NEDD4L: variants seen among roughly 807,000 people sequenced by gnomAD.
NEDD4L encodes E3 ubiquitin-protein ligase NEDD4-like.
In NEDD4L, 54 loss-of-function variants were observed where a neutral mutation model predicts 148.9. The observed-to-expected ratio is 0.36, with a 90% CI of 0.29 to 0.45. The LOEUF (loss-of-function observed/expected upper bound fraction) is 0.45. Among genes scored for constraint, NEDD4L ranks in the 20% least tolerant of loss-of-function variants. The pLI, the probability that NEDD4L is intolerant of heterozygous loss-of-function variation, is 1.00. For synonymous variants in NEDD4L, 433 were observed against 440.7 expected (o/e 0.98, Z 0.22); for missense variants, 856 against 1,233.8 (o/e 0.69, Z 4.59).
intron 2 of NEDD4L, among the ~76,000 whole-genome samples, chr18:58,190,883 T>G (rs946328296): frequency 6.6e-6 from 1 of 152,184 alleles, no homozygotes; most frequent in African/African-American, 2.4e-5. Context: ...CCCAGCACTT[T>G]AGGAGGCCAG....
chr18:58,237,523 TA>T (rs762236996), intron 2 of NEDD4L, among the ~76,000 whole-genome samples: 1 of 152,242 alleles, frequency 6.6e-6, no homozygotes, highest in Non-Finnish European at 1.5e-5. Flanking sequence ...GATATTTCAG[TA>T]ATTTATAGGT....
chr18:58,379,181 A>C (rs569550679), intron 24 of NEDD4L, among the ~76,000 whole-genome samples: 3 of 152,194 alleles, frequency 2.0e-5, no homozygotes, highest in Non-Finnish European at 4.4e-5. Flanking sequence ...ACTGCTCACC[A>C]GGGAGCAGGG....
rs116856442 is a variant in NEDD4L at position 58,232,016 on chromosome 18, G to T, written c.123-13411G>T. Among the ~76,000 whole-genome samples, 503 of 152,312 alleles carry T rather than the reference G, an allele frequency of 3.3e-3. 1 individual carries two copies. Among genetic ancestry groups the T allele is most frequent in the Non-Finnish European group, 3.8e-3 (260 of 68,016 alleles). ...ATAGGAGAGGTGCATTTTGTTCTATGTAAATTATCTTGATGTGTCCCCTGT... is the reference window on the plus strand; with the variant it reads ...ATAGGAGAGGTGCATTTTGTTCTATTTAAATTATCTTGATGTGTCCCCTGT... On this transcript the variant is annotated intron_variant, in intron 2 of 30. Coordinates refer to ENST00000400345, the MANE Select transcript of NEDD4L (RefSeq NM_001144967.3).
At chr18:58,195,485 A>AG in intron 2 of NEDD4L, 1 of 1,343,934 alleles carries the variant, frequency 7.4e-7, no homozygotes, top group African/African-American at 1.5e-5. Flanking sequence ...AAGCCGCGCG[A>AG]GGGTGCCCGG....
intron 5 of NEDD4L, among the ~76,000 whole-genome samples, chr18:58,302,015 TGA>T (rs769649502): frequency 5.3e-5 from 8 of 152,160 alleles, no homozygotes; most frequent in Non-Finnish European, 1.2e-4. Flanking sequence ...TTCAGCATAG[TGA>T]GAGAATGTAA....
intron 5 of NEDD4L, among the ~76,000 whole-genome samples, chr18:58,283,262 G>A (rs2053436814): frequency 6.6e-6 from 1 of 152,102 alleles, no homozygotes; most frequent in South Asian, 2.1e-4. Flanking sequence ...TTTTAGTAGA[G>A]ACGGGGTTTC....
At chr18:58,364,103 CTT>C (rs2045836878) in intron 19 of NEDD4L, among the ~76,000 whole-genome samples, 163 bp from the exon 20 acceptor site, 2 of 152,312 alleles carry the variant, frequency 1.3e-5, no homozygotes, top group African/African-American at 4.8e-5. Flanking sequence ...AGTTCTAGGA[CTT>C]TCCCCTGTGC....
intron 1 of NEDD4L, among the ~76,000 whole-genome samples, chr18:58,089,171 T>C (rs889037372): frequency 2.7e-5 from 4 of 145,812 alleles, no homozygotes; most frequent in Admixed American, 7.1e-5. Flanking sequence ...TCTTGCTCTG[T>C]CACCCAGGCT....
intron 1 of NEDD4L, among the ~76,000 whole-genome samples, chr18:58,121,498 A>G (rs950443326): frequency 1.3e-5 from 2 of 151,410 alleles, no homozygotes; most frequent in African/African-American, 4.9e-5. Flanking sequence ...GGCTCACTGC[A>G]GGCTCAAGCG....
At chr18:58,214,167 C>A (rs1401141138) in intron 2 of NEDD4L, among the ~76,000 whole-genome samples, 1 of 151,816 alleles carries the variant, frequency 6.6e-6, no homozygotes, top group Admixed American at 6.6e-5. Flanking sequence ...ATCACCTGAT[C>A]GCTGCCCCAG....
At chr18:58,071,118 A>G (rs571834186) in intron 1 of NEDD4L, among the ~76,000 whole-genome samples, 5 of 152,308 alleles carry the variant, frequency 3.3e-5, no homozygotes, top group African/African-American at 1.2e-4. Flanking sequence ...GATGTTGGGC[A>G]TACTTAAAAC....
chr18:58,234,215 CCCTT>C (rs1157410326), intron 2 of NEDD4L, among the ~76,000 whole-genome samples: 4 of 134,592 alleles, frequency 3.0e-5, no homozygotes, highest in Non-Finnish European at 6.2e-5. Context: ...CTCCCTCCCT[CCCTT>C]CCTTCCTTCT....
At chr18:58,249,281 A>C (rs1600223874) in intron 4 of NEDD4L, among the ~76,000 whole-genome samples, 2 of 152,340 alleles carry the variant, frequency 1.3e-5, no homozygotes, top group East Asian at 3.9e-4. Flanking sequence ...TTTTAGAGAG[A>C]GTAAAACAGT....
chr18:58,060,441 C>T (rs1480362703), intron 1 of NEDD4L, among the ~76,000 whole-genome samples: 1 of 152,096 alleles, frequency 6.6e-6, no homozygotes, highest in African/African-American at 2.4e-5. Flanking sequence ...GCTCACCATG[C>T]AGCTTTGGGG....
At chr18:58,087,440 G>A (rs79148040) in intron 1 of NEDD4L, among the ~76,000 whole-genome samples, 6,273 of 152,124 alleles carry the variant, frequency 0.041, 416 homozygotes, top group African/African-American at 0.14. Flanking sequence ...CCATTGCCAC[G>A]TTCCAAAGTC....
chr18:58,295,553 A>G (rs1049679966), intron 5 of NEDD4L, among the ~76,000 whole-genome samples: 1 of 152,308 alleles, frequency 6.6e-6, no homozygotes, highest in East Asian at 1.9e-4. Context: ...AATTATGAAT[A>G]AAGCTGCTAT....
At chr18:58,205,498 A>ATGTGTG (rs59338606) in intron 2 of NEDD4L, among the ~76,000 whole-genome samples, 8 of 147,778 alleles carry the variant, frequency 5.4e-5, no homozygotes, top group African/African-American at 2.0e-4. Flanking sequence ...GTGTGTGTGT[A>ATGTGTG]TGTGTGTGTG....
At chr18:58,085,816 A>G (rs1224412865) in intron 1 of NEDD4L, among the ~76,000 whole-genome samples, 1 of 152,176 alleles carries the variant, frequency 6.6e-6, no homozygotes, top group East Asian at 1.9e-4. Context: ...ATTTTACACT[A>G]ATTAACAGCT....
intron 1 of NEDD4L, among the ~76,000 whole-genome samples, chr18:58,159,998 A>G (rs1261750574): frequency 1.3e-5 from 2 of 152,200 alleles, no homozygotes; most frequent in African/African-American, 2.4e-5. Context: ...CTCAGATACC[A>G]TCTTTTTAGG....
Sources: allele counts gnomAD v4.1 joint callset (sites outside exome capture counted in the v4.1 genomes callset), GRCh38; gene constraint gnomAD v4.1.1; transcripts MANE v1.5; gene names NCBI Gene and HGNC (gene_info 2026-07-23, HGNC 2026-07-21).